Variants in ADAMTS12 observed in about 807,000 individuals in gnomAD.
ADAMTS12 encodes the protein A disintegrin and metalloproteinase with thrombospondin motifs 12.
In ADAMTS12, 118 loss-of-function variants were observed where a neutral mutation model predicts 167.8. The observed-to-expected ratio is 0.70, with a 90% CI of 0.61 to 0.82. The LOEUF (loss-of-function observed/expected upper bound fraction) is 0.82. Ranked by LOEUF, ADAMTS12 falls within the 40% of genes least tolerant of loss-of-function variation. ADAMTS12 has a pLI of 0.00. For missense variants in ADAMTS12, 1,916 were observed against 1,998.8 expected (o/e 0.96, Z 0.79); for synonymous variants, 704 against 716.9 (o/e 0.98, Z 0.29).
intron 3 of ADAMTS12, among the ~76,000 whole-genome samples, chr5:33,695,490 T>C (rs1473357703): frequency 6.6e-6 from 1 of 152,182 alleles, no homozygotes; most frequent in Non-Finnish European, 1.5e-5. Flanking sequence ...GTATATACAA[T>C]ACAATGAAAT....
At chr5:33,716,524 C>T (rs1007309043) in intron 3 of ADAMTS12, among the ~76,000 whole-genome samples, 2 of 152,110 alleles carry the variant, frequency 1.3e-5, no homozygotes, top group Non-Finnish European at 2.9e-5. Flanking sequence ...GTGTTTCCCT[C>T]GCTTATTATA....
At chr5:33,829,680 C>G (rs1748222926) in intron 2 of ADAMTS12, among the ~76,000 whole-genome samples, 1 of 152,208 alleles carries the variant, frequency 6.6e-6, no homozygotes, top group Non-Finnish European at 1.5e-5. Context: ...ATGGGCCTCT[C>G]TGTTCCCCTG....
intron 2 of ADAMTS12, among the ~76,000 whole-genome samples, chr5:33,843,114 G>C (rs539167340): frequency 6.6e-6 from 1 of 152,242 alleles, no homozygotes; most frequent in African/African-American, 2.4e-5. Context: ...AAGCCCTTAA[G>C]TAGGACAGAT....
At chr5:33,803,785 T>C (rs757198821) in intron 2 of ADAMTS12, among the ~76,000 whole-genome samples, 12 of 152,158 alleles carry the variant, frequency 7.9e-5, no homozygotes, top group Non-Finnish European at 1.6e-4. Flanking sequence ...ACTGCCCTTT[T>C]ATAAAACCAT....
intron 8 of ADAMTS12, 151 bp from the exon 9 acceptor site, chr5:33,649,117 G>T: frequency 1.2e-6 from 1 of 814,690 alleles, no homozygotes; most frequent in South Asian, 2.1e-5. Context: ...GGCCCATCAT[G>T]GGAGTTATTA....
At chr5:33,557,582 A>G (rs1005224634) in intron 20 of ADAMTS12, among the ~76,000 whole-genome samples, 1 of 152,132 alleles carries the variant, frequency 6.6e-6, no homozygotes, top group Non-Finnish European at 1.5e-5. Flanking sequence ...GTGAGCTGTG[A>G]GTGGGCCACT....
chr5:33,681,027 G>T (rs1376983933), intron 5 of ADAMTS12, among the ~76,000 whole-genome samples: 1 of 152,114 alleles, frequency 6.6e-6, no homozygotes, highest in African/African-American at 2.4e-5. Flanking sequence ...TGGTAAACAA[G>T]CAGTTACATT....
At chr5:33,783,549 C>T (rs761390127) in intron 2 of ADAMTS12, among the ~76,000 whole-genome samples, 14 of 151,924 alleles carry the variant, frequency 9.2e-5, no homozygotes, top group Admixed American at 5.2e-4. Flanking sequence ...GAAAACATCA[C>T]TATCTGCCCC....
chr5:33,640,060 C>T (rs1003566904), intron 11 of ADAMTS12, among the ~76,000 whole-genome samples: 2 of 152,174 alleles, frequency 1.3e-5, no homozygotes, highest in Admixed American at 6.5e-5. Flanking sequence ...ATATCACTGA[C>T]AGCCTCTTAT....
At chr5:33,605,597 CAG>C (rs1409442320) in intron 16 of ADAMTS12, among the ~76,000 whole-genome samples, 5 of 152,078 alleles carry the variant, frequency 3.3e-5, no homozygotes, top group African/African-American at 1.2e-4. Context: ...CTGAGGAACT[CAG>C]AGTTCAGTTT....
intron 18 of ADAMTS12, among the ~76,000 whole-genome samples, chr5:33,581,021 A>G (rs1021638403): frequency 6.6e-6 from 1 of 152,222 alleles, no homozygotes; most frequent in African/African-American, 2.4e-5. Flanking sequence ...GCTGGACAGT[A>G]TTAGCTGTCT....
chr5:33,743,348 G>A (rs1744664285), intron 3 of ADAMTS12, among the ~76,000 whole-genome samples: 1 of 152,210 alleles, frequency 6.6e-6, no homozygotes, highest in African/African-American at 2.4e-5. Flanking sequence ...TGGACTGGAT[G>A]AGAATTTGTC....
At chr5:33,614,492 G>A in intron 15 of ADAMTS12, 116 bp from the exon 16 acceptor site, 1 of 1,252,816 alleles carries the variant, frequency 8.0e-7, no homozygotes, top group Non-Finnish European at 1.1e-6. Context: ...GCATGCATTG[G>A]AATAAAGCCA....
chr5:33,662,183 GC>G, intron 5 of ADAMTS12, 143 bp from the exon 6 acceptor site: 4 of 993,370 alleles, frequency 4.0e-6, no homozygotes, highest in Non-Finnish European at 5.9e-6. Context: ...TGTGGCAGAG[GC>G]CAACTGACTC....
rs1274880144 is a variant in ADAMTS12 at position 33,574,645 on chromosome 5, C to T, written c.3972+1409G>A. ...ATAGCATTAGGAGATACACTTAATG[C>T]TAAACGACGAATTAATGGGTGCAGC... On this transcript the variant is annotated intron_variant, in intron 19 of 23. Coordinates refer to ENST00000504830, the MANE Select transcript of ADAMTS12 (RefSeq NM_030955.4). Among the ~76,000 whole-genome samples, 4 of 151,806 alleles carry T rather than the reference C, an allele frequency of 2.6e-5. No homozygotes were observed. In the East Asian group the frequency reaches 5.8e-4, roughly 22 times the overall value.
intron 20 of ADAMTS12, among the ~76,000 whole-genome samples, chr5:33,552,769 T>G (rs1038730976): frequency 1.3e-5 from 2 of 152,210 alleles, no homozygotes; most frequent in Non-Finnish European, 2.9e-5. Context: ...TTGGTTACTG[T>G]AGCCCTGTAG....
At chr5:33,867,446 T>C (rs1290915150) in intron 2 of ADAMTS12, among the ~76,000 whole-genome samples, 5 of 152,086 alleles carry the variant, frequency 3.3e-5, no homozygotes, top group Non-Finnish European at 5.9e-5. Flanking sequence ...ATCATGGACT[T>C]TGGAGACTCA....
At chr5:33,768,246 CAT>C (rs998957950) in intron 2 of ADAMTS12, among the ~76,000 whole-genome samples, 20 of 152,230 alleles carry the variant, frequency 1.3e-4, no homozygotes, top group African/African-American at 4.8e-4. Flanking sequence ...CAGTCATTCA[CAT>C]GTTTACTTTA....
rs1224379064 is a variant in ADAMTS12 at position 33,570,149 on chromosome 5, G to A, written c.3972+5905C>T. On this transcript the variant is annotated intron_variant, in intron 19 of 23. Transcript: ENST00000504830. ...TGTACATGAAAGTGACGGGGAGAAT[G>A]GAACCAAGTTGGAAAACACTCTGCA... Among the ~76,000 whole-genome samples, 6 of 152,192 alleles carry A rather than the reference G, an allele frequency of 3.9e-5. No homozygotes were observed. The South Asian group carries it at 1.0e-3, about 26-fold the overall frequency.
Sources: allele counts gnomAD v4.1 joint callset (sites outside exome capture counted in the v4.1 genomes callset), GRCh38; gene constraint gnomAD v4.1.1; transcripts MANE v1.5; gene names NCBI Gene and HGNC (gene_info 2026-07-23, HGNC 2026-07-21).